The following TRABD2B variants were observed in gnomAD, a reference collection of about 807,000 sequenced individuals.
TRABD2B encodes the protein metalloprotease TIKI2.
A neutral mutation model predicts 40.1 loss-of-function variants in TRABD2B; 14 were observed. The ratio of observed to expected loss-of-function variants is 0.35; its 90% CI spans 0.23 to 0.55. The LOEUF (loss-of-function observed/expected upper bound fraction) is 0.55, where lower values mean the gene tolerates loss of function less well. Among genes scored for constraint, TRABD2B ranks in the 20% least tolerant of loss-of-function variants. TRABD2B has a pLI of 0.90. For synonymous variants in TRABD2B, 263 were observed against 277.0 expected, an observed-to-expected ratio of 0.95 and a Z score of 0.50; for missense variants, 541 against 648.6, an observed-to-expected ratio of 0.83 and a Z score of 1.80.
At chr1:47,990,818 T>C (rs1404312060) in intron 2 of TRABD2B, among the ~76,000 whole-genome samples, 4 of 80,538 alleles carry the variant, frequency 5.0e-5, no homozygotes, top group African/African-American at 1.7e-4. Flanking sequence ...TATATATATA[T>C]ATATATATAT....
At chr1:47,803,592 C>T (rs185012576) in intron 2 of TRABD2B, among the ~76,000 whole-genome samples, 129 of 152,268 alleles carry the variant, frequency 8.5e-4, no homozygotes, top group African/African-American at 3.0e-3. Flanking sequence ...GTGGAAAACT[C>T]TTATTGTTAT....
rs550136305 is a variant in TRABD2B at position 47,761,013 on chromosome 1, C to T, written c.*4889G>A. ...TTTCCCACCTCCACATGCTTTCAAT[C>T]CCATGGCAGCCTGTGGGTCCTGGGA... On this transcript the variant is annotated 3_prime_UTR_variant, in exon 7 of 7. Coordinates refer to ENST00000606738, the MANE Select transcript of TRABD2B (RefSeq NM_001194986.2). 3.9e-5 allele frequency: 6 copies of T among 152,420 alleles called. No individual in the cohort carries two copies. Among genetic ancestry groups the T allele is most frequent in the Non-Finnish European group, 8.8e-5 (6 of 68,082 alleles). 9.4% of individuals were successfully genotyped at this position (152,420 alleles called of 1,614,324 possible).
chr1:47,927,478 T>G (rs758672849), intron 2 of TRABD2B, among the ~76,000 whole-genome samples: 7 of 152,162 alleles, frequency 4.6e-5, no homozygotes, highest in Non-Finnish European at 7.3e-5. Context: ...TGAAGCTGGC[T>G]CCTTCTCAGA....
At chr1:47,936,481 G>T (rs1169862747) in intron 2 of TRABD2B, among the ~76,000 whole-genome samples, 1 of 152,212 alleles carries the variant, frequency 6.6e-6, no homozygotes, top group African/African-American at 2.4e-5. Flanking sequence ...GAGATGTCAG[G>T]AGAGGCTTGT....
At chr1:47,804,608 T>C (rs1437588361) in intron 2 of TRABD2B, among the ~76,000 whole-genome samples, 1 of 152,212 alleles carries the variant, frequency 6.6e-6, no homozygotes, top group Non-Finnish European at 1.5e-5. Context: ...GAGTTGCTTC[T>C]GCAATCATGC....
chr1:47,927,721 G>C (rs977374168), intron 2 of TRABD2B, among the ~76,000 whole-genome samples: 3 of 152,238 alleles, frequency 2.0e-5, no homozygotes, highest in Admixed American at 6.5e-5. Flanking sequence ...TGTCAAAGGG[G>C]GAAAGGCACC....
intron 2 of TRABD2B, among the ~76,000 whole-genome samples, chr1:47,990,509 T>C (rs1241014115): frequency 6.6e-6 from 1 of 152,008 alleles, no homozygotes. Flanking sequence ...ATATGGCTGC[T>C]GGGAGAAGGG....
intron 2 of TRABD2B, among the ~76,000 whole-genome samples, chr1:47,938,838 G>C (rs1645147724): frequency 6.6e-6 from 1 of 152,200 alleles, no homozygotes; most frequent in Non-Finnish European, 1.5e-5. Context: ...TCTGGAAGCA[G>C]GGATTTGAGA....
intron 2 of TRABD2B, among the ~76,000 whole-genome samples, chr1:47,896,689 C>T (rs75214628): frequency 0.021 from 3,232 of 152,312 alleles, 129 homozygotes; most frequent in African/African-American, 0.074. Context: ...TGAGGTACCT[C>T]TACCTCTCGG....
intron 2 of TRABD2B, among the ~76,000 whole-genome samples, chr1:47,973,660 C>A (rs1645713509): frequency 6.6e-6 from 1 of 152,196 alleles, no homozygotes; most frequent in African/African-American, 2.4e-5. Context: ...CAAAACAGAG[C>A]CACACCTACC....
At chr1:47,835,363 T>G (rs1645304866) in intron 2 of TRABD2B, among the ~76,000 whole-genome samples, 1 of 152,236 alleles carries the variant, frequency 6.6e-6, no homozygotes, top group East Asian at 1.9e-4. Context: ...ATAAAGGATT[T>G]TGATGAAATA....
At chr1:47,990,782 T>C (rs1239286406) in intron 2 of TRABD2B, among the ~76,000 whole-genome samples, 12 of 6,614 alleles carry the variant, frequency 1.8e-3, no homozygotes, top group African/African-American at 2.8e-3. Flanking sequence ...TATATATATA[T>C]ATATATATAT....
At position 47,865,619 on chromosome 1, in the gene TRABD2B, G is replaced by A. The variant is rs559022115; in HGVS notation, c.667-64000C>T. Among the ~76,000 whole-genome samples, 47 of 152,220 alleles carry A rather than the reference G, an allele frequency of 3.1e-4. 1 individual carries two copies. The South Asian group carries it at 9.8e-3, about 32-fold the overall frequency. On this transcript the variant is annotated intron_variant, in intron 2 of 6. Coordinates refer to ENST00000606738, the MANE Select transcript of TRABD2B (RefSeq NM_001194986.2). ...AATACAAAAGAAAAGTTAAGGCACT[G>A]GATTCTCTGCCCAGCTCCAGAGAGG... is the stretch of plus-strand genomic sequence containing the variant.
At chr1:47,766,497 C>G (rs1000318253) in intron 6 of TRABD2B, among the ~76,000 whole-genome samples, 2 of 152,222 alleles carry the variant, frequency 1.3e-5, no homozygotes, top group African/African-American at 4.8e-5. Flanking sequence ...CTGCTCTCCC[C>G]TTGCAGACCG....
chr1:47,959,928 C>A (rs547052012), intron 2 of TRABD2B, among the ~76,000 whole-genome samples: 1 of 152,230 alleles, frequency 6.6e-6, no homozygotes, highest in East Asian at 1.9e-4. Flanking sequence ...AATTTTAGAC[C>A]AATATCCCTA....
At chr1:47,872,202 C>T (rs1644152069) in intron 2 of TRABD2B, among the ~76,000 whole-genome samples, 1 of 152,172 alleles carries the variant, frequency 6.6e-6, no homozygotes, top group Admixed American at 6.5e-5. Flanking sequence ...TTTGCATCTA[C>T]AGTCTAATTC....
intron 2 of TRABD2B, among the ~76,000 whole-genome samples, chr1:47,876,896 T>C (rs942932090): frequency 8.5e-5 from 13 of 152,152 alleles, no homozygotes; most frequent in African/African-American, 2.9e-4. Context: ...CAATAACAAC[T>C]GTCTGTCAAG....
At chr1:47,869,517 T>C (rs1644110467) in intron 2 of TRABD2B, among the ~76,000 whole-genome samples, 1 of 152,202 alleles carries the variant, frequency 6.6e-6, no homozygotes, top group South Asian at 2.1e-4. Context: ...GGCACCCTGT[T>C]TTCCATTCTG....
In TRABD2B at chr1:47,940,360, A is replaced by C. The variant is rs559114247; in HGVS notation, c.666+53674T>G. On this transcript the variant is annotated intron_variant, in intron 2 of 6. Coordinates refer to ENST00000606738, the MANE Select transcript of TRABD2B (RefSeq NM_001194986.2). ...TCAGACTGTGAGCATCTCAAAAACA[A>C]GTCACTGTGTCCGACGATGGCGATG... Among the ~76,000 whole-genome samples, 5 of 152,316 alleles carry C rather than the reference A, an allele frequency of 3.3e-5. No homozygotes were observed. In the South Asian group the frequency reaches 1.0e-3, roughly 32 times the overall value.
Sources: allele counts gnomAD v4.1 joint callset (sites outside exome capture counted in the v4.1 genomes callset), GRCh38; gene constraint gnomAD v4.1.1; transcripts MANE v1.5; gene names NCBI Gene and HGNC (gene_info 2026-07-23, HGNC 2026-07-21).